TNFRSF10A: variants seen among roughly 807,000 people sequenced by gnomAD.
The protein encoded by TNFRSF10A is TNF receptor superfamily member 10a.
A neutral mutation model predicts 42.8 loss-of-function variants in TNFRSF10A; 44 were observed. That is an observed-to-expected ratio of 1.03 (90% CI 0.81 to 1.32). The LOEUF (loss-of-function observed/expected upper bound fraction) is 1.32, where lower values mean the gene tolerates loss of function less well. TNFRSF10A is among the 40% of genes most tolerant of loss of function. The pLI is 0.00. For missense variants in TNFRSF10A, 680 were observed against 602.0 expected (o/e 1.13, Z -1.36); for synonymous variants, 259 against 234.2 (o/e 1.11, Z -0.97).
intron 8 of TNFRSF10A, 55 bp from the exon 9 acceptor site, chr8:23,197,259 TACTGACTCTGACCATCAGCCAGCCCGGAA>T: frequency 6.2e-7 from 1 of 1,604,630 alleles, no homozygotes; most frequent in Non-Finnish European, 8.5e-7. Flanking sequence ...TGCAGTCTAG[TACTGACTCTGACCATCAGCCAGCCCGGAA>T]ACCTGCAGCA....
At chr8:23,208,444 CT>C (rs1328457660) in intron 2 of TNFRSF10A, among the ~76,000 whole-genome samples, 1 of 151,924 alleles carries the variant, frequency 6.6e-6, no homozygotes, top group Non-Finnish European at 1.5e-5. Flanking sequence ...GTATATAATT[CT>C]TTTTTTGTTT....
intron 9 of TNFRSF10A, among the ~76,000 whole-genome samples, chr8:23,192,416 ACTTCTG>A (rs1800769291): frequency 1.3e-5 from 2 of 152,318 alleles, no homozygotes; most frequent in Middle Eastern, 3.4e-3. Flanking sequence ...CAGGGTGGCC[ACTTCTG>A]CATCTGTGGA....
chr8:23,199,405 T>C lies in TNFRSF10A; in HGVS notation c.875A>G (p.Glu292Gly). 2 of 1,613,918 alleles carry C rather than the reference T, an allele frequency of 1.2e-6. No homozygotes were observed. The highest frequency in any genetic ancestry group is 1.7e-6 in the Non-Finnish European group (2 of 1,179,804). Reference sequence around the variant, plus strand: ...CAGAATCTCGTTGTGAGCATTGTCCTCAGCCCCAGGCCCTCGTAGGAGACC... The same window carrying C: ...CAGAATCTCGTTGTGAGCATTGTCCCCAGCCCCAGGCCCTCGTAGGAGACC... Reference protein sequence around the residue: ...RLGLLRGPGAEDNAHNEILSN... With the variant: ...RLGLLRGPGAGDNAHNEILSN... Residue 292 changes from glutamate to glycine, a missense_variant, in exon 8 of 10, where the codon GAG becomes GGG. Physicochemically the swap from Glu to Gly is moderately conservative, Grantham distance 98. Coordinates refer to ENST00000221132, the MANE Select transcript of TNFRSF10A (RefSeq NM_003844.4).
chr8:23,216,669 G>C (rs1801187830), intron 1 of TNFRSF10A, among the ~76,000 whole-genome samples: 1 of 151,762 alleles, frequency 6.6e-6, no homozygotes, highest in Non-Finnish European at 1.5e-5. Flanking sequence ...TTGAACCCGG[G>C]AGGCAGAGGT....
chr8:23,222,247 C>T (rs1354526070), intron 1 of TNFRSF10A, among the ~76,000 whole-genome samples: 2 of 152,130 alleles, frequency 1.3e-5, no homozygotes, highest in Non-Finnish European at 2.9e-5. Flanking sequence ...TAGCAATATC[C>T]AAACAAAATT....
Position 23,199,362 on chromosome 8 carries a change from C to G in TNFRSF10A, c.918G>C (p.Leu306=). Residue 306 remains leucine, a synonymous_variant, in exon 8 of 10, where the codon CTG becomes CTC. Transcript: ENST00000221132. ...TTTGCTGCTCAGAGACGAAAGTGGA[C>G]AGCGAGTCTGCGTTGCTCAGAATCT... The part of the protein sequence containing the change: ...HNEILSNADS[L]STFVSEQQME... 4 of 1,614,214 alleles carry G rather than the reference C, an allele frequency of 2.5e-6. No individual in the cohort carries two copies. The highest frequency in any genetic ancestry group is 3.4e-6 in the Non-Finnish European group (4 of 1,180,028).
chr8:23,206,878 G>C, intron 2 of TNFRSF10A: 1 of 248,608 alleles, frequency 4.0e-6, no homozygotes, highest in East Asian at 9.7e-5. Flanking sequence ...TTTTGACTTA[G>C]TTATCAAAAC....
Position 23,208,069 on chromosome 8 carries a change from TC to T in TNFRSF10A, c.403+4046del, listed in dbSNP as rs1563382288. On this transcript the variant is annotated intron_variant, in intron 2 of 9. Coordinates refer to ENST00000221132, the MANE Select transcript of TNFRSF10A (RefSeq NM_003844.4). ...GGAAAATGTGGGAAAGTGTGGAACT[TC>T]CTAGAGACTTGTTGAATGGCTTTGA... is the stretch of plus-strand genomic sequence containing the variant. Among the ~76,000 whole-genome samples the T allele has an allele frequency of 2.0e-5, 3 of 152,258 alleles. 1 individual carries two copies. The South Asian group carries it at 6.2e-4, about 32-fold the overall frequency.
chr8:23,202,685 A>G lies in TNFRSF10A; in HGVS notation c.480T>C (p.Asn160=). 6.2e-7 allele frequency: 1 copy of G among 1,613,966 alleles called. No homozygotes were observed. Among genetic ancestry groups the G allele is most frequent in the East Asian group, 2.2e-5 (1 of 44,872 alleles). ...EGVGYTNASN[N]LFACLPCTAC... ...CTGTACATGGGAGGCAAGCAAACAA[A>G]TTGTTGGAAGCATTGGTGTAACCCA... is the stretch of plus-strand genomic sequence containing the variant. The change falls in exon 3 of 10, where the codon AAT becomes AAC. Residue 160 remains asparagine, a synonymous_variant. Transcript: ENST00000221132.
intron 2 of TNFRSF10A, among the ~76,000 whole-genome samples, chr8:23,205,400 T>C (rs746503923): frequency 6.6e-5 from 10 of 152,212 alleles, no homozygotes; most frequent in Non-Finnish European, 1.0e-4. Flanking sequence ...GTTAAAAGTA[T>C]AGCACATATA....
intron 2 of TNFRSF10A, among the ~76,000 whole-genome samples, chr8:23,207,907 A>AC (rs1801041111): frequency 6.6e-6 from 1 of 151,992 alleles, no homozygotes; most frequent in South Asian, 2.1e-4. Context: ...CACGAAAAAA[A>AC]AAAAAAAAAA....
intron 2 of TNFRSF10A, among the ~76,000 whole-genome samples, chr8:23,210,288 G>A (rs994358891): frequency 3.3e-5 from 5 of 152,144 alleles, no homozygotes; most frequent in Admixed American, 2.0e-4. Context: ...GACCAGAAAA[G>A]GACCTCATAA....
In TNFRSF10A at chr8:23,191,934, G is replaced by T; in HGVS notation, c.1167C>A (p.Leu389=). The T allele has an allele frequency of 6.2e-7, 1 of 1,614,148 alleles. No homozygotes were observed. Among genetic ancestry groups the T allele is most frequent in the Non-Finnish European group, 8.5e-7 (1 of 1,180,032 alleles). Residue 389 remains leucine (L), a synonymous_variant, in exon 10 of 10, where the codon CTC becomes CTA. Transcript: ENST00000221132. ...TGACCACATCGATCTCATTTTTCGTGAGGTCCAGCTGCCTCATGAGCTGGT... is the reference window on the plus strand; with the variant it reads ...TGACCACATCGATCTCATTTTTCGTTAGGTCCAGCTGCCTCATGAGCTGGT... ...SWDQLMRQLD[L]TKNEIDVVRA...
chr8:23,206,851 C>T (rs899589041), intron 2 of TNFRSF10A: 14 of 204,680 alleles, frequency 6.8e-5, no homozygotes, highest in African/African-American at 2.6e-4. Context: ...TGTGAATAGA[C>T]ATATAGCAAG....
At chr8:23,194,095 G>A (rs537940178) in intron 9 of TNFRSF10A, among the ~76,000 whole-genome samples, 1 of 152,284 alleles carries the variant, frequency 6.6e-6, no homozygotes, top group East Asian at 1.9e-4. Context: ...TTATCTATTG[G>A]AGCTAACAAA....
Position 23,212,125 on chromosome 8 carries a change from A to G in TNFRSF10A, c.394T>C (p.Cys132Arg). The change falls in exon 2 of 10, where the codon TGT (cysteine) becomes CGT (arginine). Residue 132 changes from cysteine (C) to arginine (R), a missense_variant. Physicochemically the swap from Cys to Arg is radical, Grantham distance 180. Coordinates refer to ENST00000221132, the MANE Select transcript of TNFRSF10A (RefSeq NM_003844.4). ...QWEHSPLGEL[C>R]PPGSHRSEHP... ...CAGTCTTAGAATGTACCTGGTGGAC[A>G]CAACTCTCCCAAAGGGCTATGTTCC... The G allele has an allele frequency of 1.9e-6, 3 of 1,613,592 alleles. No individual in the cohort carries two copies. Among genetic ancestry groups the G allele is most frequent in the Non-Finnish European group, 2.5e-6 (3 of 1,179,596 alleles).
chr8:23,206,678 C>A (rs1801017472), intron 2 of TNFRSF10A, among the ~76,000 whole-genome samples: 1 of 151,902 alleles, frequency 6.6e-6, no homozygotes. Flanking sequence ...GTATTAGAAT[C>A]AGAAATGAGA....
chr8:23,196,580 C>T (rs185801507), intron 9 of TNFRSF10A, among the ~76,000 whole-genome samples: 72 of 152,326 alleles, frequency 4.7e-4, no homozygotes, highest in African/African-American at 1.6e-3. Context: ...GCTCCCATCT[C>T]CTTGCCTACA....
At position 23,201,845 on chromosome 8, in the gene TNFRSF10A, C is replaced by T. The variant is rs771322440; in HGVS notation, c.592G>A (p.Asp198Asn). The change falls in exon 4 of 10, where the codon GAC (aspartate) becomes AAC (asparagine). Residue 198 changes from aspartate to asparagine, a missense_variant. Asp to Asn is a conservative substitution (Grantham distance 23). Coordinates refer to ENST00000221132, the MANE Select transcript of TNFRSF10A (RefSeq NM_003844.4). ...TTCCGGCACATCTCAGCAGAATTGT[C>T]ATTCCGGAAAGTTCCTGGTTTGCAC... ...CQCKPGTFRN[D>N]NSAEMCRKCS... 4 of 1,613,088 alleles carry T rather than the reference C, an allele frequency of 2.5e-6. No individual in the cohort carries two copies. The Admixed American group carries it at 6.7e-5, about 27-fold the overall frequency.
Sources: allele counts gnomAD v4.1 joint callset (sites outside exome capture counted in the v4.1 genomes callset), GRCh38; gene constraint gnomAD v4.1.1; transcripts MANE v1.5; gene names NCBI Gene and HGNC (gene_info 2026-07-23, HGNC 2026-07-21).